The following SGMS1 variants were observed in gnomAD, a reference collection of about 807,000 sequenced individuals.
SGMS1 encodes the protein phosphatidylcholine:ceramide cholinephosphotransferase 1.
SGMS1 carries 13 observed loss-of-function variants against 46.2 expected under a neutral mutation model. The observed-to-expected ratio is 0.28, with a 90% CI of 0.18 to 0.45. SGMS1 has a LOEUF of 0.45. Ranked by LOEUF, SGMS1 falls within the 20% of genes least tolerant of loss-of-function variation. The pLI is 1.00. For missense variants in SGMS1, 324 were observed against 519.9 expected, an observed-to-expected ratio of 0.62 and a Z score of 3.66; for synonymous variants, 203 against 187.8, an observed-to-expected ratio of 1.08 and a Z score of -0.66.
chr10:50,592,911 C>T (rs1450803004), intron 1 of SGMS1, among the ~76,000 whole-genome samples: 2 of 152,220 alleles, frequency 1.3e-5, no homozygotes, highest in African/African-American at 4.8e-5. Context: ...TAGCCAGCCT[C>T]CAAGATGGCC....
At position 50,311,395 on chromosome 10, in the gene SGMS1, G is replaced by T. The variant is rs761862272; in HGVS notation, c.762C>A (p.Ala254=). The T allele has an allele frequency of 3.7e-6, 6 of 1,613,484 alleles. No homozygotes were observed. The South Asian group carries it at 6.6e-5, about 18-fold the overall frequency. Residue 254 remains alanine (A), a synonymous_variant, in exon 9 of 11, where the codon GCC becomes GCA. Transcript: ENST00000361781. The stretch of plus-strand genomic sequence containing the variant: ...TGAGCTTCATTATTCTTCGCAGTTG[G>T]GCTTCCCAGTCTCCGAAAAGCTGGC... The part of the protein sequence containing the change: ...CSPKLFGDWE[A]QLRRIMKLIA...
chr10:50,557,358 C>T (rs1252040136), intron 2 of SGMS1, among the ~76,000 whole-genome samples: 2 of 151,924 alleles, frequency 1.3e-5, no homozygotes, highest in Admixed American at 1.3e-4. Flanking sequence ...TATGAAGCAT[C>T]ATTATTAGTC....
In SGMS1 at chr10:50,623,711, A is replaced by C. The variant is rs2131954430; in HGVS notation, c.-688T>G. 1.0e-6 allele frequency: 1 copy of C among 985,338 alleles called. No individual in the cohort carries two copies. Among genetic ancestry groups the C allele is most frequent in the Middle Eastern group, 5.2e-4 (1 of 1,910 alleles). 61.0% of individuals were successfully genotyped at this position (985,338 alleles called of 1,614,324 possible). A position where few individuals can be genotyped will look rare whatever the true frequency, so the allele number is the denominator to read the frequency against. On this transcript the variant is annotated 5_prime_UTR_variant, in exon 1 of 11. Coordinates refer to ENST00000361781, the MANE Select transcript of SGMS1 (RefSeq NM_147156.4). ...TGTCCCTGCCCCACGACTCACTTGCACTGGAGTCACGGCAGCCGCCGGAAT... is the reference window on the plus strand; with the variant it reads ...TGTCCCTGCCCCACGACTCACTTGCCCTGGAGTCACGGCAGCCGCCGGAAT...
chr10:50,374,208 C>T (rs1046334583), intron 6 of SGMS1, among the ~76,000 whole-genome samples: 2 of 152,180 alleles, frequency 1.3e-5, no homozygotes, highest in Non-Finnish European at 1.5e-5. Context: ...ATGCACAAAG[C>T]ATTGTCCTGG....
At chr10:50,368,444 C>A (rs1450543748) in intron 6 of SGMS1, among the ~76,000 whole-genome samples, 1 of 152,204 alleles carries the variant, frequency 6.6e-6, no homozygotes, top group Non-Finnish European at 1.5e-5. Flanking sequence ...GCAACCCCTG[C>A]CTCTCGGGTT....
chr10:50,459,765 A>G (rs1327329798), intron 5 of SGMS1, among the ~76,000 whole-genome samples: 1 of 152,198 alleles, frequency 6.6e-6, no homozygotes, highest in Admixed American at 6.5e-5. Flanking sequence ...TACTATTTCT[A>G]TGGTACACAA....
At chr10:50,347,649 A>C (rs1396978146) in intron 6 of SGMS1, among the ~76,000 whole-genome samples, 1 of 152,200 alleles carries the variant, frequency 6.6e-6, no homozygotes, top group African/African-American at 2.4e-5. Context: ...AAATATTCTC[A>C]GTGGAGTGTT....
intron 5 of SGMS1, among the ~76,000 whole-genome samples, chr10:50,442,696 A>G (rs1490170088): frequency 6.6e-6 from 1 of 152,224 alleles, no homozygotes; most frequent in Non-Finnish European, 1.5e-5. Context: ...TCCTTTGGGT[A>G]TATACCCAGT....
chr10:50,448,947 C>T (rs1349292115), intron 5 of SGMS1, among the ~76,000 whole-genome samples: 2 of 152,080 alleles, frequency 1.3e-5, no homozygotes, highest in East Asian at 3.9e-4. Context: ...TAAAAATAAG[C>T]ATATGAAAAG....
At chr10:50,490,318 T>G (rs1266174144) in intron 3 of SGMS1, among the ~76,000 whole-genome samples, 3 of 152,170 alleles carry the variant, frequency 2.0e-5, no homozygotes, top group Non-Finnish European at 4.4e-5. Flanking sequence ...AGAGGTGATA[T>G]AGTATAAGGG....
intron 2 of SGMS1, among the ~76,000 whole-genome samples, chr10:50,529,523 T>C (rs191313181): frequency 2.0e-5 from 3 of 152,304 alleles, no homozygotes; most frequent in Admixed American, 6.5e-5. Context: ...CTTTGAAACT[T>C]AATAGTCAGA....
At chr10:50,319,044 T>A (rs1847396467) in intron 8 of SGMS1, among the ~76,000 whole-genome samples, 1 of 152,032 alleles carries the variant, frequency 6.6e-6, no homozygotes, top group Admixed American at 6.6e-5. Context: ...TTCTTATTTG[T>A]CACATTAAAG....
At chr10:50,592,939 C>G (rs1385017519) in intron 1 of SGMS1, among the ~76,000 whole-genome samples, 1 of 152,206 alleles carries the variant, frequency 6.6e-6, no homozygotes, top group East Asian at 1.9e-4. Context: ...ATATCCGCCT[C>G]CCAGTATTCA....
intron 6 of SGMS1, among the ~76,000 whole-genome samples, chr10:50,432,268 T>C (rs1053550442): frequency 6.7e-6 from 1 of 150,000 alleles, no homozygotes; most frequent in Non-Finnish European, 1.5e-5. Context: ...ATAAACAAAA[T>C]TAAAATAAAT....
intron 5 of SGMS1, among the ~76,000 whole-genome samples, chr10:50,438,522 G>T (rs1310201112): frequency 2.0e-5 from 3 of 152,202 alleles, no homozygotes; most frequent in African/African-American, 4.8e-5. Flanking sequence ...AGCAGCCATA[G>T]CTGATGCTTG....
At chr10:50,619,743 T>G (rs1390484483) in intron 1 of SGMS1, among the ~76,000 whole-genome samples, 1 of 152,208 alleles carries the variant, frequency 6.6e-6, no homozygotes. Context: ...CCTTGTGGCT[T>G]TACATCATTA....
intron 7 of SGMS1, among the ~76,000 whole-genome samples, chr10:50,331,447 T>C (rs886215486): frequency 2.0e-5 from 3 of 152,246 alleles, no homozygotes; most frequent in African/African-American, 7.2e-5. Flanking sequence ...CAAAATCTAC[T>C]TAATGACTAT....
At chr10:50,420,516 T>C (rs1849241739) in intron 6 of SGMS1, among the ~76,000 whole-genome samples, 1 of 152,214 alleles carries the variant, frequency 6.6e-6, no homozygotes, top group Non-Finnish European at 1.5e-5. Context: ...TCTCAGTCAA[T>C]TAAATAATTT....
At chr10:50,527,949 T>A (rs1837919096) in intron 2 of SGMS1, among the ~76,000 whole-genome samples, 1 of 152,198 alleles carries the variant, frequency 6.6e-6, no homozygotes, top group Non-Finnish European at 1.5e-5. Flanking sequence ...TTCAATATCC[T>A]CATATTAAGG....
Sources: allele counts gnomAD v4.1 joint callset (sites outside exome capture counted in the v4.1 genomes callset), GRCh38; gene constraint gnomAD v4.1.1; transcripts MANE v1.5; gene names NCBI Gene and HGNC (gene_info 2026-07-23, HGNC 2026-07-21).